NDUFA10: variants seen among roughly 807,000 people sequenced by gnomAD.
NDUFA10 encodes the protein NADH:ubiquinone oxidoreductase subunit A10.
NDUFA10 carries 40 observed loss-of-function variants against 47.8 expected under a neutral mutation model. That is an observed-to-expected ratio of 0.84 (90% CI 0.65 to 1.09). The LOEUF is 1.09. Ranked by LOEUF, NDUFA10 falls within the 50% of genes least tolerant of loss-of-function variation. NDUFA10 has a pLI of 0.00. For synonymous variants in NDUFA10, 183 were observed against 172.2 expected, an observed-to-expected ratio of 1.06 and a Z score of -0.49; for missense variants, 413 against 451.1, an observed-to-expected ratio of 0.92 and a Z score of 0.76.
chr2:239,996,493 T>C (rs561200840), intron 8 of NDUFA10, among the ~76,000 whole-genome samples: 1 of 152,048 alleles, frequency 6.6e-6, no homozygotes, highest in Non-Finnish European at 1.5e-5. Context: ...TGAACGAAAA[T>C]AAAAATACAA....
In NDUFA10 at chr2:239,922,390, G is replaced by A. The variant is rs145333447; in HGVS notation, c.295-27076C>T. ...GGCTCAAGGCAGGCAGTGAGCTGCA[G>A]GCCAAGGCATCAGGGACCCCAGGAC... On this transcript the variant is annotated intron_variant, in intron 4 of 5. Coordinates refer to the NDUFA10 transcript ENST00000419408. 3.5e-3 allele frequency among the ~76,000 whole-genome samples: 531 copies of A among 152,290 alleles called. 4 individuals are homozygous for A. Among genetic ancestry groups the A allele is most frequent in the African/African-American group, 0.012 (497 of 41,564 alleles).
intron 4 of NDUFA10, among the ~76,000 whole-genome samples, chr2:239,898,990 GGTGTGATGGAGA>G (rs1303244685): frequency 3.8e-5 from 4 of 105,414 alleles, no homozygotes; most frequent in African/African-American, 6.3e-5. Flanking sequence ...ATGATGGAGA[GGTGTGATGGAGA>G]GGTGTGATGG....
At position 239,958,967 on chromosome 2, in the gene NDUFA10, T is replaced by A; in HGVS notation, c.*2151A>T. The A allele has an allele frequency of 3.0e-6, 3 of 985,452 alleles. No homozygotes were observed. The highest frequency in any genetic ancestry group is 3.6e-6 in the Non-Finnish European group (3 of 829,946). 61.0% of individuals were successfully genotyped at this position (985,452 alleles called of 1,614,324 possible). ...GCTGTTGTTTTAGTTGTAAGAGCTT[T>A]CGTGAGACGAACGCATGTACTGCTC... is the stretch of plus-strand genomic sequence containing the variant. On this transcript the variant is annotated 3_prime_UTR_variant, in exon 10 of 10. Coordinates refer to ENST00000252711, the MANE Select transcript of NDUFA10 (RefSeq NM_004544.4).
In NDUFA10 at chr2:239,984,273, T is replaced by C. The variant is rs186144449; in HGVS notation, c.999+5801A>G. ...AAAAACAAAAACCCAGTAAGTATTATTAATTCATTAATTATAACAAGTGTA... is the reference window on the plus strand; with the variant it reads ...AAAAACAAAAACCCAGTAAGTATTACTAATTCATTAATTATAACAAGTGTA... On this transcript the variant is annotated intron_variant, in intron 9 of 9. Coordinates refer to ENST00000252711, the MANE Select transcript of NDUFA10 (RefSeq NM_004544.4). Among the ~76,000 whole-genome samples, 673 of 151,972 alleles carry C rather than the reference T, an allele frequency of 4.4e-3. 6 individuals are homozygous for C. The highest frequency in any genetic ancestry group is 0.015 in the African/African-American group (639 of 41,460).
At chr2:239,973,617 C>G (rs1213875420) in intron 9 of NDUFA10, 2 of 470,578 alleles carry the variant, frequency 4.3e-6, no homozygotes, top group Non-Finnish European at 8.8e-6. Context: ...GGAGGGAGCA[C>G]AGTATCTTAA....
intron 4 of NDUFA10, among the ~76,000 whole-genome samples, chr2:239,930,564 C>A (rs933226549): frequency 3.7e-4 from 56 of 152,042 alleles, no homozygotes; most frequent in Non-Finnish European, 5.9e-4. Context: ...GCTGACCCTG[C>A]CTGCCGCCCC....
At chr2:239,952,822 C>T (rs1230439029), downstream of NDUFA10, among the ~76,000 whole-genome samples, 1 of 152,254 alleles carries the variant, frequency 6.6e-6, no homozygotes, top group African/African-American at 2.4e-5. Context: ...GCTGGCAAGG[C>T]AGGGCTGCTC....
intron 9 of NDUFA10, among the ~76,000 whole-genome samples, chr2:239,974,778 G>C (rs1400845699): frequency 6.6e-6 from 1 of 151,248 alleles, no homozygotes; most frequent in African/African-American, 2.4e-5. Context: ...CCAAAGATCT[G>C]GTCATTTAAA....
chr2:239,990,099 T>A lies in NDUFA10; in HGVS notation c.974A>T (p.Asp325Val). 1 of 1,612,784 alleles carries A rather than the reference T, an allele frequency of 6.2e-7. No homozygotes were observed. Among genetic ancestry groups the A allele is most frequent in the African/African-American group, 1.3e-5 (1 of 75,002 alleles). ...PEVTIGAHQT[D>V]RVLHQFRELP... ...CTCTCTGAACTGATGTAAGACACGG[T>A]CAGTCTGATGAGCTCCAATGGTGAC... Residue 325 changes from aspartate to valine, a missense_variant, in exon 9 of 10, where the codon GAC (aspartate) becomes GTC (valine). Physicochemically the swap from Asp to Val is radical, Grantham distance 152. Transcript: ENST00000252711.
intron 8 of NDUFA10, among the ~76,000 whole-genome samples, chr2:240,003,971 A>T (rs1388314490): frequency 1.3e-5 from 2 of 152,212 alleles, no homozygotes; most frequent in Non-Finnish European, 2.9e-5. Context: ...CTACGGTGGT[A>T]TCCACGCTAT....
chr2:239,981,248 C>T lies in NDUFA10; in HGVS notation c.999+8826G>A, dbSNP rs34293251. 2.7e-3 allele frequency among the ~76,000 whole-genome samples: 409 copies of T among 152,336 alleles called. 1 individual carries two copies. Among genetic ancestry groups the T allele is most frequent in the Middle Eastern group, 6.8e-3 (2 of 294 alleles). On this transcript the variant is annotated intron_variant, in intron 9 of 9. Transcript: ENST00000252711. The stretch of plus-strand genomic sequence containing the variant: ...CTGACTCAGGAGGGACCCACTCTCA[C>T]CAAATGCCCATGGATGGAGCCCCAC...
intron 9 of NDUFA10, among the ~76,000 whole-genome samples, chr2:239,988,050 C>G (rs1696076929): frequency 6.6e-6 from 1 of 152,000 alleles, no homozygotes; most frequent in Non-Finnish European, 1.5e-5. Context: ...AGTAAGATAA[C>G]TATTTACAAA....
intron 9 of NDUFA10, among the ~76,000 whole-genome samples, chr2:239,985,605 C>T (rs1046944163): frequency 6.6e-6 from 1 of 152,080 alleles, no homozygotes; most frequent in African/African-American, 2.4e-5. Context: ...AAGAGTAATA[C>T]AGACACACTG....
intron 4 of NDUFA10, chr2:239,942,930 A>C (rs1029241303): frequency 6.5e-6 from 1 of 154,186 alleles, no homozygotes; most frequent in Non-Finnish European, 1.5e-5. Context: ...GAAGCCTGCA[A>C]GGATGGTGGT....
chr2:239,961,373 C>T (rs1019730570), intron 9 of NDUFA10, among the ~76,000 whole-genome samples, 187 bp from the exon 10 acceptor site: 1 of 152,256 alleles, frequency 6.6e-6, no homozygotes, highest in Admixed American at 6.5e-5. Context: ...AAACCACAAC[C>T]CAGCCCTGCC....
chr2:239,991,322 G>A (rs1696237936), intron 8 of NDUFA10, among the ~76,000 whole-genome samples: 1 of 152,206 alleles, frequency 6.6e-6, no homozygotes, highest in African/African-American at 2.4e-5. Flanking sequence ...ATCCAATAAT[G>A]CAAATGCCCC....
chr2:239,946,676 C>T (rs1694458958), intron 4 of NDUFA10, among the ~76,000 whole-genome samples: 1 of 152,258 alleles, frequency 6.6e-6, no homozygotes. Flanking sequence ...GGTGCAGGAC[C>T]TCCCTGAAGG....
At chr2:240,001,529 C>G (rs1210014144) in intron 8 of NDUFA10, among the ~76,000 whole-genome samples, 3 of 152,304 alleles carry the variant, frequency 2.0e-5, no homozygotes, top group Middle Eastern at 3.4e-3. Context: ...GAGGTTAGGC[C>G]CCTTGCCCAG....
chr2:240,021,277 T>C lies in NDUFA10; in HGVS notation c.380A>G (p.Asn127Ser), dbSNP rs528595741. 18 of 1,614,244 alleles carry C rather than the reference T, an allele frequency of 1.1e-5. No homozygotes were observed. The South Asian group carries it at 1.9e-4, about 17-fold the overall frequency. The change falls in exon 3 of 10, where the codon AAC (asparagine) becomes AGC (serine). Residue 127 changes from asparagine (N) to serine (S), a missense_variant. By Grantham distance (46) the Asn-to-Ser change is conservative. Coordinates refer to ENST00000252711, the MANE Select transcript of NDUFA10 (RefSeq NM_004544.4). The stretch of plus-strand genomic sequence containing the variant: ...CAACCAGGACTGCAGGCGGTAACTG[T>C]TGCCATCATTGCTTCTCGGATCATC... ...FYDDPRSNDGNSYRLQSWLYS... is the reference protein window; with the variant it reads ...FYDDPRSNDGSSYRLQSWLYS...
Sources: allele counts gnomAD v4.1 joint callset (sites outside exome capture counted in the v4.1 genomes callset), GRCh38; gene constraint gnomAD v4.1.1; transcripts MANE v1.5; gene names NCBI Gene and HGNC (gene_info 2026-07-23, HGNC 2026-07-21).